Variants in FMR1NB observed in about 807,000 individuals in gnomAD.
The protein encoded by FMR1NB is FMR1 neighbor.
In FMR1NB, 10 loss-of-function variants were observed where a neutral mutation model predicts 16.8. The ratio of observed to expected loss-of-function variants is 0.60; its 90% CI spans 0.37 to 1.01. FMR1NB has a LOEUF of 1.01. Among genes scored for constraint, FMR1NB ranks in the 50% least tolerant of loss-of-function variants. The pLI is 0.01. For synonymous variants in FMR1NB, 83 were observed against 79.1 expected (o/e 1.05, Z -0.26); for missense variants, 205 against 204.8 (o/e 1.00, Z 0.00).
intron 3 of FMR1NB, 144 bp downstream of exon 3, chrX:148,006,986 G>A (rs782670775): frequency 1.3e-5 from 8 of 607,467 alleles, no homozygotes; most frequent in African/African-American, 4.7e-5. Context: ...AAGGTCCTGA[G>A]GTGGTCATGA....
chrX:147,984,428 A>T (rs890659158), intron 1 of FMR1NB, among the ~76,000 whole-genome samples: 1 of 112,130 alleles, frequency 8.9e-6, no homozygotes, highest in Admixed American at 9.5e-5. Context: ...CAGGTCTTTA[A>T]CTTCCTTGGT....
At chrX:147,997,197 A>T (rs1557188234) in intron 1 of FMR1NB, among the ~76,000 whole-genome samples, 3 of 111,773 alleles carry the variant, frequency 2.7e-5, no homozygotes, top group African/African-American at 9.8e-5. Context: ...ACACTACCTG[A>T]CTTCAAACTA....
chrX:148,018,169 G>T (rs2044660068), intron 4 of FMR1NB, among the ~76,000 whole-genome samples: 1 of 110,688 alleles, frequency 9.0e-6, no homozygotes. Context: ...GTGTGAAAGT[G>T]TTCCTATTTC....
At chrX:147,994,639 C>A (rs1327083530) in intron 1 of FMR1NB, among the ~76,000 whole-genome samples, 2 of 111,874 alleles carry the variant, frequency 1.8e-5, no homozygotes. Context: ...TCTTCATTTT[C>A]TATTTCTATT....
At chrX:148,008,504 C>T in intron 3 of FMR1NB, 114 bp from the exon 4 acceptor site, 1 of 605,566 alleles carries the variant, frequency 1.7e-6, no homozygotes, top group Non-Finnish European at 2.5e-6. Context: ...ATAAGAATAC[C>T]TCCTCATTTC....
Position 147,990,653 on chromosome X carries a change from A to G in FMR1NB, c.277+8974A>G, listed in dbSNP as rs192205401. Among the ~76,000 whole-genome samples, 8 of 111,729 alleles carry G rather than the reference A, an allele frequency of 7.2e-5. No individual in the cohort carries two copies. In the East Asian group the frequency reaches 2.0e-3, roughly 27 times the overall value. ...ACTTTGAAATATAAAACAAATTATT[A>G]TTAACTATAATTTCTCTGTTACAAG... On this transcript the variant is annotated intron_variant, in intron 1 of 5. Transcript: ENST00000370467.
intron 2 of FMR1NB, among the ~76,000 whole-genome samples, chrX:148,005,487 C>G (rs2044591851): frequency 9.0e-6 from 1 of 111,380 alleles, no homozygotes; most frequent in Admixed American, 9.6e-5. Flanking sequence ...CGCTCTGGGC[C>G]TAGCAGAATT....
At chrX:147,987,991 T>C (rs2044485589) in intron 1 of FMR1NB, among the ~76,000 whole-genome samples, 1 of 111,756 alleles carries the variant, frequency 8.9e-6, no homozygotes, top group African/African-American at 3.3e-5. Flanking sequence ...TGTATTGTAA[T>C]TGGGGCATTT....
intron 1 of FMR1NB, among the ~76,000 whole-genome samples, chrX:147,991,652 T>G (rs2044505581): frequency 9.4e-6 from 1 of 106,172 alleles, no homozygotes; most frequent in South Asian, 4.1e-4. Flanking sequence ...TCCTTCTTTT[T>G]TTTTTTTTTT....
intron 1 of FMR1NB, among the ~76,000 whole-genome samples, chrX:147,997,845 A>G (rs1239367707): frequency 8.9e-6 from 1 of 112,412 alleles, no homozygotes; most frequent in Non-Finnish European, 1.9e-5. Context: ...CAAAAAACAT[A>G]TGAAAAAAAA....
chrX:147,992,985 C>T (rs1318390195), intron 1 of FMR1NB, among the ~76,000 whole-genome samples: 1 of 105,428 alleles, frequency 9.5e-6, no homozygotes, highest in Non-Finnish European at 1.9e-5. Context: ...GGCGGCCAGG[C>T]AGAGACACTC....
At chrX:147,998,487 G>A (rs1192869929) in intron 1 of FMR1NB, among the ~76,000 whole-genome samples, 1 of 111,716 alleles carries the variant, frequency 9.0e-6, no homozygotes, top group East Asian at 2.8e-4. Context: ...AGAGCATTAG[G>A]AGAAATACCT....
At chrX:148,001,778 A>G (rs1305324679) in intron 1 of FMR1NB, among the ~76,000 whole-genome samples, 1 of 111,323 alleles carries the variant, frequency 9.0e-6, no homozygotes, top group Non-Finnish European at 1.9e-5. Context: ...AAGATAAAAT[A>G]AACAATAACA....
chrX:147,990,421 C>T (rs1343840820), intron 1 of FMR1NB, among the ~76,000 whole-genome samples: 2 of 111,915 alleles, frequency 1.8e-5, no homozygotes, highest in Admixed American at 9.4e-5. Flanking sequence ...CAGACCAGAG[C>T]TGTTCCTTTT....
intron 4 of FMR1NB, among the ~76,000 whole-genome samples, chrX:148,009,788 C>T (rs371524267): frequency 8.9e-5 from 10 of 111,783 alleles, no homozygotes; most frequent in African/African-American, 2.6e-4. Context: ...AGTTGAGTTA[C>T]CAGAATATGG....
At chrX:147,991,992 C>T (rs2044508196) in intron 1 of FMR1NB, among the ~76,000 whole-genome samples, 1 of 111,835 alleles carries the variant, frequency 8.9e-6, no homozygotes, top group Admixed American at 9.4e-5. Context: ...CACAGATCAA[C>T]AGGATCCCAA....
chrX:148,018,453 A>G (rs1371545856), intron 4 of FMR1NB, among the ~76,000 whole-genome samples: 6 of 112,066 alleles, frequency 5.4e-5, no homozygotes, highest in Non-Finnish European at 9.4e-5. Context: ...CCAAAACAGC[A>G]TGGTACTGGT....
intron 2 of FMR1NB, among the ~76,000 whole-genome samples, chrX:148,004,844 T>G (rs1461694796): frequency 2.7e-5 from 3 of 112,801 alleles, no homozygotes; most frequent in Non-Finnish European, 5.6e-5. Context: ...ACCTTTTTGA[T>G]TCTTTAAAAT....
chrX:148,016,553 C>T (rs2044650766), intron 4 of FMR1NB, among the ~76,000 whole-genome samples: 1 of 111,537 alleles, frequency 9.0e-6, no homozygotes, highest in East Asian at 2.8e-4. Flanking sequence ...TCCTGTCTTC[C>T]TCTAGTGAAG....
Sources: gnomAD v4.1 joint callset for allele counts (sites outside exome capture counted in the v4.1 genomes callset) on GRCh38, gnomAD v4.1.1 for gene constraint, MANE v1.5 for transcripts, NCBI Gene and HGNC (gene_info 2026-07-23, HGNC 2026-07-21) for gene names.